The following STAG2 variants were observed in gnomAD, a reference collection of about 807,000 sequenced individuals.
STAG2 encodes the protein cohesin subunit SA-2.
In STAG2, 14 loss-of-function variants were observed where a neutral mutation model predicts 108.1. That is an observed-to-expected ratio of 0.13 (90% CI 0.09 to 0.20). The LOEUF (loss-of-function observed/expected upper bound fraction) is 0.20. Among genes scored for constraint, STAG2 ranks in the 10% least tolerant of loss-of-function variants. The pLI, the probability that STAG2 is intolerant of heterozygous loss-of-function variation, is 1.00. For missense variants in STAG2, 440 were observed against 940.9 expected, an observed-to-expected ratio of 0.47 and a Z score of 6.96; for synonymous variants, 307 against 302.7, an observed-to-expected ratio of 1.01 and a Z score of -0.15.
intron 21 of STAG2, 104 bp from the exon 22 acceptor site, chrX:124,066,071 G>C (rs2148339462): frequency 1.1e-6 from 1 of 906,830 alleles, no homozygotes; most frequent in Non-Finnish European, 1.5e-6. Context: ...AAAGTTTACT[G>C]CATTTACTGC....
chrX:123,989,687 C>T (rs1238180421), intron 1 of STAG2, among the ~76,000 whole-genome samples: 1 of 107,013 alleles, frequency 9.3e-6, no homozygotes, highest in Non-Finnish European at 1.9e-5. Context: ...TCACTGCAAC[C>T]TCCGCCTCCC....
Position 124,094,051 on chromosome X carries a change from A to G in STAG2, c.3612A>G (p.Glu1204=). The part of the protein sequence containing the change: ...RRGTSLMEDD[E]EPIVEDVMMS... ...GCACAAGCCTAATGGAAGATGATGAAGAGCCAATTGTGGAAGATGTTATGA... is the reference window on the plus strand; with the variant it reads ...GCACAAGCCTAATGGAAGATGATGAGGAGCCAATTGTGGAAGATGTTATGA... Residue 1204 remains glutamate, a synonymous_variant, in exon 33 of 35, where the codon GAA becomes GAG. Coordinates refer to ENST00000371145, the MANE Select transcript of STAG2 (RefSeq NM_001042750.2). 8.3e-7 allele frequency: 1 copy of G among 1,210,372 alleles called. No individual in the cohort carries two copies. The highest frequency in any genetic ancestry group is 1.1e-6 in the Non-Finnish European group (1 of 894,256).
At chrX:124,024,551 A>G (rs1043947332) in intron 3 of STAG2, among the ~76,000 whole-genome samples, 18 of 110,956 alleles carry the variant, frequency 1.6e-4, no homozygotes, top group African/African-American at 5.9e-4. Context: ...ATTGTAGGAT[A>G]TAGTTAGGAT....
intron 1 of STAG2, among the ~76,000 whole-genome samples, chrX:123,975,536 C>T (rs1280078507): frequency 8.9e-6 from 1 of 112,140 alleles, no homozygotes; most frequent in Non-Finnish European, 1.9e-5. Flanking sequence ...GATCTCAGCT[C>T]ACCGGCAACC....
intron 33 of STAG2, among the ~76,000 whole-genome samples, chrX:124,095,167 TC>T (rs1175227032): frequency 8.9e-6 from 1 of 112,068 alleles, no homozygotes; most frequent in Non-Finnish European, 1.9e-5. Flanking sequence ...GACCTCGTGA[TC>T]CACCCGCCTC....
chrX:124,040,815 A>G (rs2057688590), intron 6 of STAG2, among the ~76,000 whole-genome samples: 1 of 107,025 alleles, frequency 9.3e-6, no homozygotes, highest in Non-Finnish European at 1.9e-5. Flanking sequence ...AAAGCCTTTC[A>G]AAAGGTTTTT....
intron 27 of STAG2, among the ~76,000 whole-genome samples, chrX:124,080,370 T>C (rs373726802): frequency 3.6e-5 from 4 of 111,353 alleles, no homozygotes; most frequent in African/African-American, 1.3e-4. Context: ...TCTGGGTGTA[T>C]ACCCAGAAGT....
chrX:124,072,901 TTTC>T (rs1454394589), intron 25 of STAG2, among the ~76,000 whole-genome samples: 12 of 91,682 alleles, frequency 1.3e-4, no homozygotes, highest in East Asian at 1.3e-3. Flanking sequence ...TCTTTCTTTC[TTTC>T]TTTTTTTTTT....
rs749676582 is a variant in STAG2, at chrX:124,029,660, CTGTA to C, written c.124-1297_124-1294del. ...AAAAATAAAGAATGTGCTACAGAGA[CTGTA>C]TGTGGCCCACAAAGCCTAACATATT... On this transcript the variant is annotated intron_variant, in intron 4 of 34. Transcript: ENST00000371145. Among the ~76,000 whole-genome samples the C allele has an allele frequency of 1.2e-4, 13 of 112,336 alleles. No homozygotes were observed. In the South Asian group the frequency reaches 4.7e-3, roughly 41 times the overall value.
intron 1 of STAG2, among the ~76,000 whole-genome samples, chrX:123,989,918 A>T (rs960865014): frequency 2.7e-5 from 3 of 110,857 alleles, no homozygotes; most frequent in Admixed American, 1.9e-4. Context: ...TCTTTATACT[A>T]CGTTAGCCTA....
At chrX:124,067,545 C>CTGAGA (rs1043608229) in intron 23 of STAG2, among the ~76,000 whole-genome samples, 5 of 110,975 alleles carry the variant, frequency 4.5e-5, no homozygotes, top group African/African-American at 1.6e-4. Flanking sequence ...GATTACAAGC[C>CTGAGA]TGAGCCACTG....
Position 124,066,583 on chromosome X carries a change from G to GGA in STAG2, c.2265+151_2265+152dup, listed in dbSNP as rs113927764. 1,063 of 416,474 alleles carry GGA rather than the reference G, an allele frequency of 2.6e-3. 7 individuals carry two copies. The highest frequency in any genetic ancestry group is 0.023 in the African/African-American group (916 of 39,574). 34.3% of individuals were successfully genotyped at this position (416,474 alleles called of 1,213,427 possible). On this transcript the variant is annotated intron_variant, in intron 23 of 34. Coordinates refer to ENST00000371145, the MANE Select transcript of STAG2 (RefSeq NM_001042750.2). ...ATTTGTAGTTTGATGTATATTCAGT[G>GGA]GAGAGGATATCGATATGGTTTGTTT...
intron 1 of STAG2, among the ~76,000 whole-genome samples, chrX:123,989,649 G>C (rs1397350600): frequency 9.8e-6 from 1 of 102,100 alleles, no homozygotes; most frequent in Non-Finnish European, 2.0e-5. Flanking sequence ...CTGTTGCCCA[G>C]GCTGGAGTGC....
chrX:123,971,990 C>A (rs2054369953), intron 1 of STAG2, among the ~76,000 whole-genome samples: 1 of 111,560 alleles, frequency 9.0e-6, no homozygotes, highest in Non-Finnish European at 1.9e-5. Context: ...ATTTTTAAAG[C>A]TATTTTATAT....
chrX:124,028,820 ATATT>A (rs1334937688), intron 4 of STAG2, among the ~76,000 whole-genome samples: 589 of 27,696 alleles, frequency 0.021, 11 homozygotes, highest in African/African-American at 0.07. Context: ...ATATATATAT[ATATT>A]TTTTTTTTTA....
intron 1 of STAG2, among the ~76,000 whole-genome samples, chrX:124,014,721 A>G (rs2056644236): frequency 9.0e-6 from 1 of 111,020 alleles, no homozygotes; most frequent in Non-Finnish European, 1.9e-5. Flanking sequence ...GTTAGGAAAT[A>G]TAGACAGGGT....
intron 1 of STAG2, among the ~76,000 whole-genome samples, chrX:123,987,949 C>T (rs1465611474): frequency 9.0e-6 from 1 of 111,540 alleles, no homozygotes; most frequent in African/African-American, 3.3e-5. Flanking sequence ...CAATTGTATC[C>T]ATTTTGTGGT....
At chrX:123,975,562 C>T (rs1462094107) in intron 1 of STAG2, among the ~76,000 whole-genome samples, 3 of 111,996 alleles carry the variant, frequency 2.7e-5, no homozygotes, top group Admixed American at 9.5e-5. Context: ...CTCCTGGGTT[C>T]AAGCGATTCT....
intron 30 of STAG2, 79 bp downstream of exon 30, chrX:124,086,849 T>C: frequency 1.3e-6 from 1 of 777,510 alleles, no homozygotes; most frequent in Non-Finnish European, 1.8e-6. Context: ...ACCTTATTTT[T>C]TATTTGAGAT....
Sources: gnomAD v4.1 joint callset for allele counts (sites outside exome capture counted in the v4.1 genomes callset) on GRCh38, gnomAD v4.1.1 for gene constraint, MANE v1.5 for transcripts, NCBI Gene and HGNC (gene_info 2026-07-23, HGNC 2026-07-21) for gene names.